Variants in CRHR1 observed in about 807,000 individuals in gnomAD.
CRHR1 encodes the protein corticotropin releasing hormone receptor 1, also known as corticotropin-releasing hormone receptor 1.
CRHR1 carries 28 observed loss-of-function variants against 56.0 expected under a neutral mutation model. That is an observed-to-expected ratio of 0.50 (90% confidence interval 0.37 to 0.69). The LOEUF (loss-of-function observed/expected upper bound fraction) is 0.69. CRHR1 is among the 30% of genes least tolerant of loss of function. The pLI, the probability that CRHR1 is intolerant of heterozygous loss-of-function variation, is 0.00. For synonymous variants in CRHR1, 195 were observed against 216.5 expected, an observed-to-expected ratio of 0.90 and a Z score of 0.87; for missense variants, 376 against 548.0, an observed-to-expected ratio of 0.69 and a Z score of 3.13.
intron 2 of CRHR1, 30 bp from the exon 3 acceptor site, chr17:45,816,433 C>T: frequency 1.2e-6 from 2 of 1,612,704 alleles, no homozygotes; most frequent in South Asian, 1.1e-5. Flanking sequence ...GGATATCTTG[C>T]TGTGCCTTAC....
At chr17:45,806,494 G>A (rs541661326) in intron 1 of CRHR1, among the ~76,000 whole-genome samples, 59 of 152,306 alleles carry the variant, frequency 3.9e-4, no homozygotes, top group South Asian at 6.2e-4. Context: ...TTAGGCAGGC[G>A]GGGATGAGGG....
chr17:45,788,445 A>C (rs1037505823), intron 1 of CRHR1, among the ~76,000 whole-genome samples: 3 of 152,190 alleles, frequency 2.0e-5, no homozygotes, highest in Non-Finnish European at 4.4e-5. Context: ...GGTGCCACGA[A>C]CTGGATTCCC....
chr17:45,806,861 G>A, intron 1 of CRHR1, 149 bp from the exon 2 acceptor site: 2 of 642,756 alleles, frequency 3.1e-6, no homozygotes, highest in African/African-American at 1.8e-5. Flanking sequence ...ATGAGGGGCG[G>A]GTGTCTGGGA....
In CRHR1 at chr17:45,833,118, T is replaced by C. The variant is rs767999892; in HGVS notation, c.771-20T>C. On this transcript the variant is annotated intron_variant, in intron 8 of 12. Transcript: ENST00000314537. ...TGGACGCAGATGACCCTTCCTCCCCTTTCCTCTGTGGCCTTCTAGGTGCTG... is the reference window on the plus strand; with the variant it reads ...TGGACGCAGATGACCCTTCCTCCCCCTTCCTCTGTGGCCTTCTAGGTGCTG... 3 of 1,608,700 alleles carry C rather than the reference T, an allele frequency of 1.9e-6. No homozygotes were observed. The South Asian group carries it at 3.3e-5, about 18-fold the overall frequency.
At chr17:45,818,689 G>A (rs1361078717) in intron 3 of CRHR1, among the ~76,000 whole-genome samples, 2 of 152,186 alleles carry the variant, frequency 1.3e-5, no homozygotes, top group Non-Finnish European at 2.9e-5. Context: ...ATGAGGTGGA[G>A]CACGCCCGTG....
At chr17:45,830,651 T>TG in intron 7 of CRHR1, 81 bp downstream of exon 7, 2 of 1,509,826 alleles carry the variant, frequency 1.3e-6, no homozygotes, top group Non-Finnish European at 1.8e-6. Context: ...GCCAGCGGGC[T>TG]GGGGGGCCTG....
intron 1 of CRHR1, among the ~76,000 whole-genome samples, chr17:45,785,049 C>G (rs2061308793): frequency 6.6e-6 from 1 of 152,202 alleles, no homozygotes; most frequent in Non-Finnish European, 1.5e-5. Flanking sequence ...CCTTCCCCTC[C>G]GCGGCGAGCT....
At chr17:45,804,766 T>G (rs1269653169) in intron 1 of CRHR1, among the ~76,000 whole-genome samples, 1 of 151,220 alleles carries the variant, frequency 6.6e-6, no homozygotes, top group Non-Finnish European at 1.5e-5. Context: ...GGGGCCCGAC[T>G]GGAGTGAAGC....
At chr17:45,824,411 G>C (rs1003557018) in intron 4 of CRHR1, among the ~76,000 whole-genome samples, 1 of 152,224 alleles carries the variant, frequency 6.6e-6, no homozygotes, top group South Asian at 2.1e-4. Context: ...GGGTCAGCGC[G>C]GGGTCTTCGT....
At position 45,807,053 on chromosome 17, in the gene CRHR1, A is replaced by T; in HGVS notation, c.77A>T (p.Gln26Leu). ...LGLNPVSASL[Q>L]DQHCESLSLA... ...CTGAACCCCGTCTCTGCCTCCCTCC[A>T]GGACCAGCACTGCGAGAGCCTGTCC... Residue 26 changes from glutamine to leucine, a missense_variant, in exon 2 of 13, where the codon CAG (glutamine) becomes CTG (leucine). Gln to Leu is a moderately radical substitution (Grantham distance 113, BLOSUM62 -2). Around this residue, in one of 2 missense-constraint regions of CRHR1, gnomAD observed 369 missense variants for 519.5 expected, o/e 0.71. Transcript: ENST00000314537. The T allele has an allele frequency of 6.2e-7, 1 of 1,614,008 alleles. No homozygotes were observed. The highest frequency in any genetic ancestry group is 8.5e-7 in the Non-Finnish European group (1 of 1,179,980).
chr17:45,821,555 C>A, intron 4 of CRHR1, 115 bp downstream of exon 4: 2 of 981,254 alleles, frequency 2.0e-6, no homozygotes, highest in Non-Finnish European at 3.1e-6. Flanking sequence ...AGGCCCTGCT[C>A]TAGTGAAGCT....
At position 45,817,854 on chromosome 17, in the gene CRHR1, C is replaced by A. The variant is rs575920277; in HGVS notation, c.241+1272C>A. Among the ~76,000 whole-genome samples the A allele has an allele frequency of 2.6e-5, 4 of 152,336 alleles. No homozygotes were observed. The East Asian group carries it at 7.7e-4, about 29-fold the overall frequency. Reference sequence around the variant, plus strand: ...GAAGTGCAGAAAGGAAGAAGGGCCTCTTGGCCAGGTCAGTCCAAGGGGTGC... The same window carrying A: ...GAAGTGCAGAAAGGAAGAAGGGCCTATTGGCCAGGTCAGTCCAAGGGGTGC... On this transcript the variant is annotated intron_variant, in intron 3 of 12. Coordinates refer to ENST00000314537, the MANE Select transcript of CRHR1 (RefSeq NM_004382.5).
chr17:45,814,533 C>G (rs577570409), intron 2 of CRHR1, among the ~76,000 whole-genome samples: 1 of 152,330 alleles, frequency 6.6e-6, no homozygotes, highest in African/African-American at 2.4e-5. Context: ...ATCACATTGC[C>G]AGATGTATGA....
At chr17:45,785,391 C>T (rs1474699942) in intron 1 of CRHR1, among the ~76,000 whole-genome samples, 1 of 152,258 alleles carries the variant, frequency 6.6e-6, no homozygotes, top group African/African-American at 2.4e-5. Context: ...TCGTGTCAGG[C>T]GTCACTTGCA....
chr17:45,826,744 G>C (rs62057152), intron 4 of CRHR1: 21,822 of 152,330 alleles, frequency 0.14, 2,127 homozygotes, highest in Middle Eastern at 0.22. Flanking sequence ...GGGAGGCCGA[G>C]ACAGGTGGAT....
At chr17:45,789,372 A>AT (rs66531491) in intron 1 of CRHR1, among the ~76,000 whole-genome samples, 3,941 of 144,228 alleles carry the variant, frequency 0.027, 92 homozygotes, top group African/African-American at 0.062. Flanking sequence ...GTCCCTAGGA[A>AT]TTTTTTTTTT....
chr17:45,815,706 G>A (rs2061913280), intron 2 of CRHR1, among the ~76,000 whole-genome samples: 1 of 152,226 alleles, frequency 6.6e-6, no homozygotes, highest in Admixed American at 6.5e-5. Context: ...AAGGCCCAGA[G>A]AGGGCAAGTG....
rs2061302083 is a variant in CRHR1 at position 45,784,821 on chromosome 17, G to A, written c.33+244G>A. Among the ~76,000 whole-genome samples the A allele has an allele frequency of 6.6e-6, 1 of 152,110 alleles. No individual in the cohort carries two copies. Among genetic ancestry groups the A allele is most frequent in the African/African-American group, 2.4e-5 (1 of 41,442 alleles). Reference sequence around the variant, plus strand: ...GCCGCCGGGATGTTGGCGGAGGAGGGGGTCCGCCCACCCGGGTAGCCGGCT... The same window carrying A: ...GCCGCCGGGATGTTGGCGGAGGAGGAGGTCCGCCCACCCGGGTAGCCGGCT... On this transcript the variant is annotated intron_variant, in intron 1 of 12. Coordinates refer to ENST00000314537, the MANE Select transcript of CRHR1 (RefSeq NM_004382.5). This position sits in a 1 kb window ranked among gnomAD's most constrained non-coding sequence, Gnocchi z 4.2.
At chr17:45,832,993 A>G (rs2062348616) in intron 8 of CRHR1, 145 bp from the exon 9 acceptor site, 1 of 720,128 alleles carries the variant, frequency 1.4e-6, no homozygotes, top group Non-Finnish European at 2.5e-6. Context: ...GGATCAAGTG[A>G]CTTGACCTTC....
Sources: gnomAD v4.1 joint callset for allele counts (sites outside exome capture counted in the v4.1 genomes callset) on GRCh38, gnomAD v4.1.1 for gene constraint, gnomAD v4.1.1 regional missense constraint, Gnocchi (gnomAD v3.1) non-coding constraint, MANE v1.5 for transcripts, NCBI Gene and HGNC (gene_info 2026-07-23, HGNC 2026-07-21) for gene names.